The following RORA variants were observed in gnomAD, a reference collection of about 807,000 sequenced individuals.
RORA encodes nuclear receptor ROR-alpha.
A neutral mutation model predicts 69.5 loss-of-function variants in RORA; 7 were observed. The observed-to-expected ratio is 0.10, with a 90% CI of 0.06 to 0.19. The LOEUF (loss-of-function observed/expected upper bound fraction) is 0.19. Ranked by LOEUF, RORA falls within the 10% of genes least tolerant of loss-of-function variation. The pLI is 1.00. For synonymous variants in RORA, 261 were observed against 240.8 expected (o/e 1.08, Z -0.78); for missense variants, 457 against 663.0 (o/e 0.69, Z 3.41).
chr15:61,098,589 C>T (rs1161080696), intron 1 of RORA, among the ~76,000 whole-genome samples: 5 of 151,676 alleles, frequency 3.3e-5, no homozygotes, highest in Non-Finnish European at 2.9e-5. Flanking sequence ...GCAGTCCTTC[C>T]GACTTGGCCT....
At chr15:60,516,191 A>AT (rs1567052394) in intron 3 of RORA, among the ~76,000 whole-genome samples, 1 of 15,798 alleles carries the variant, frequency 6.3e-5, no homozygotes, top group Non-Finnish European at 1.1e-4. Context: ...ATATTTATAT[A>AT]TATATTTATA....
At chr15:60,546,539 T>TA (rs2067075333) in intron 2 of RORA, 1 of 152,148 alleles carries the variant, frequency 6.6e-6, no homozygotes, top group Non-Finnish European at 1.5e-5. Context: ...TAGTCTTCAC[T>TA]AACAGCTCAT....
intron 1 of RORA, among the ~76,000 whole-genome samples, chr15:60,959,784 C>G (rs891784572): frequency 6.6e-6 from 1 of 152,164 alleles, no homozygotes; most frequent in Non-Finnish European, 1.5e-5. Context: ...TCTTCTACTG[C>G]TGCATCCCAT....
intron 1 of RORA, among the ~76,000 whole-genome samples, chr15:60,930,826 C>T (rs1357784156): frequency 6.6e-6 from 1 of 152,190 alleles, no homozygotes; most frequent in African/African-American, 2.4e-5. Flanking sequence ...GATTCCCAAT[C>T]ATTTATCTCT....
intron 1 of RORA, among the ~76,000 whole-genome samples, chr15:60,959,461 C>T (rs570598385): frequency 1.1e-4 from 16 of 152,286 alleles, no homozygotes; most frequent in African/African-American, 3.8e-4. Flanking sequence ...TATTAGGCAA[C>T]ATCAGTGTGT....
chr15:60,805,569 G>C (rs2072648604), intron 1 of RORA, among the ~76,000 whole-genome samples: 1 of 152,204 alleles, frequency 6.6e-6, no homozygotes, highest in South Asian at 2.1e-4. Flanking sequence ...CCAACACATA[G>C]AGTAGTTGGG....
chr15:61,062,857 C>CT (rs2078206139), intron 1 of RORA, among the ~76,000 whole-genome samples: 1 of 152,160 alleles, frequency 6.6e-6, no homozygotes, highest in Non-Finnish European at 1.5e-5. Context: ...CAGAAATAGT[C>CT]TGTGATGAAG....
chr15:60,528,645 A>G (rs989245054), intron 3 of RORA: 2 of 152,240 alleles, frequency 1.3e-5, no homozygotes, highest in Non-Finnish European at 2.9e-5. Context: ...TCCCAGAAAT[A>G]ATATCTGACT....
At chr15:60,971,739 G>A (rs979863814) in intron 1 of RORA, among the ~76,000 whole-genome samples, 2 of 152,288 alleles carry the variant, frequency 1.3e-5, no homozygotes, top group African/African-American at 2.4e-5. Context: ...AAGACCCTGC[G>A]GAGGTGTTCA....
chr15:60,503,686 C>G lies in RORA; in HGVS notation c.943-19G>C, dbSNP rs1448403334. 1 of 1,612,410 alleles carries G rather than the reference C, an allele frequency of 6.2e-7. No individual in the cohort carries two copies. The highest frequency in any genetic ancestry group is 8.5e-7 in the Non-Finnish European group (1 of 1,179,596). On this transcript the variant is annotated intron_variant, in intron 6 of 10. Coordinates refer to ENST00000335670, the MANE Select transcript of RORA (RefSeq NM_134261.3). ...CCCGCTGCTGTTAAAGAGGGAAACA[C>G]ATTAACATCCTCCAGGAAGATGTTA...
chr15:60,606,696 C>T (rs2068954245), intron 2 of RORA, among the ~76,000 whole-genome samples: 1 of 152,124 alleles, frequency 6.6e-6, no homozygotes, highest in South Asian at 2.1e-4. Flanking sequence ...TTGTAACTAA[C>T]ACTAGTAGAA....
chr15:60,840,689 G>T (rs114565624), intron 1 of RORA, among the ~76,000 whole-genome samples: 2,190 of 152,342 alleles, frequency 0.014, 70 homozygotes, highest in African/African-American at 0.05. Context: ...TGAGCTCTGT[G>T]TTCACAGCAC....
In RORA at chr15:60,819,367, G is replaced by A. The variant is rs79212114; in HGVS notation, c.167-140681C>T. On this transcript the variant is annotated intron_variant, in intron 1 of 10. Transcript: ENST00000335670. ...CCGCTATGGAATTAGTCAAGGCTTCGAAACACCATGTGTAAGAGAACCAGG... is the reference window on the plus strand; with the variant it reads ...CCGCTATGGAATTAGTCAAGGCTTCAAAACACCATGTGTAAGAGAACCAGG... Among the ~76,000 whole-genome samples the A allele has an allele frequency of 7.0e-3, 1,061 of 152,248 alleles. 7 individuals carry two copies. The highest frequency in any genetic ancestry group is 0.014 in the Middle Eastern group (4 of 294).
intron 2 of RORA, chr15:60,546,312 G>A (rs1054304668): frequency 3.3e-5 from 5 of 152,204 alleles, no homozygotes; most frequent in Non-Finnish European, 5.9e-5. Flanking sequence ...CTTGTCTATT[G>A]AGAGAGTAAT....
intron 1 of RORA, among the ~76,000 whole-genome samples, chr15:60,972,008 T>G (rs1451638185): frequency 6.6e-6 from 1 of 152,202 alleles, no homozygotes; most frequent in African/African-American, 2.4e-5. Context: ...GATGGGGTCA[T>G]GCCTCCCGAA....
chr15:61,225,251 T>A (rs1290129197), intron 1 of RORA, among the ~76,000 whole-genome samples: 1 of 152,184 alleles, frequency 6.6e-6, no homozygotes, highest in East Asian at 1.9e-4. Context: ...TGGCAAAGGC[T>A]TTTCTCCCAG....
At chr15:60,959,737 C>T (rs890369068) in intron 1 of RORA, among the ~76,000 whole-genome samples, 1 of 152,122 alleles carries the variant, frequency 6.6e-6, no homozygotes, top group Admixed American at 6.5e-5. Flanking sequence ...TGGTAGGACG[C>T]ATTTGAAAAA....
intron 1 of RORA, among the ~76,000 whole-genome samples, chr15:60,735,526 C>T (rs988751637): frequency 1.3e-5 from 2 of 151,476 alleles, no homozygotes; most frequent in African/African-American, 4.9e-5. Flanking sequence ...AGATGCGCTG[C>T]TGAGAGCCTA....
intron 1 of RORA, among the ~76,000 whole-genome samples, chr15:61,182,068 T>C (rs1012208690): frequency 1.3e-5 from 2 of 152,220 alleles, no homozygotes; most frequent in East Asian, 1.9e-4. Flanking sequence ...TCCAAGGTCA[T>C]ATAACACCCA....
Sources: gnomAD v4.1 joint callset for allele counts (sites outside exome capture counted in the v4.1 genomes callset) on GRCh38, gnomAD v4.1.1 for gene constraint, MANE v1.5 for transcripts, NCBI Gene and HGNC (gene_info 2026-07-23, HGNC 2026-07-21) for gene names.